LARP4B: variants seen among roughly 807,000 people sequenced by gnomAD.
The protein encoded by LARP4B is la-related protein 4B.
A neutral mutation model predicts 89.8 loss-of-function variants in LARP4B; 12 were observed. The ratio of observed to expected loss-of-function variants is 0.13; its 90% CI spans 0.09 to 0.22. The LOEUF (loss-of-function observed/expected upper bound fraction) is 0.22, where lower values mean the gene tolerates loss of function less well. LARP4B is among the 10% of genes least tolerant of loss of function. LARP4B has a pLI of 1.00. For synonymous variants in LARP4B, 367 were observed against 363.3 expected (o/e 1.01, Z -0.12); for missense variants, 757 against 947.7 (o/e 0.80, Z 2.64).
rs796134067 is a variant in LARP4B, at chr10:810,805, A to G, written c.*2121T>C. ...TCTGATTTTTTTTTTTTTTTTGGTC[A>G]GTGAACTGACAACTACAAAAAAAAA... On this transcript the variant is annotated 3_prime_UTR_variant, in exon 18 of 18. Coordinates refer to ENST00000316157, the MANE Select transcript of LARP4B (RefSeq NM_015155.3). The G allele has an allele frequency of 4.2e-4, 60 of 141,340 alleles. No individual in the cohort carries two copies. Among genetic ancestry groups the G allele is most frequent in the African/African-American group, 1.6e-3 (60 of 38,188 alleles). 8.8% of individuals were successfully genotyped at this position (141,340 alleles called of 1,614,324 possible).
chr10:956,322 G>C, the LARP4B span, among the ~76,000 whole-genome samples: 5 of 152,026 alleles, frequency 3.3e-5, no homozygotes, highest in African/African-American at 1.2e-4. This position sits in a 1 kb window ranked among gnomAD's most constrained non-coding sequence, Gnocchi z 4.3. Flanking sequence ...GGTTCAAGCA[G>C]TGTTGTCTCA....
chr10:841,623 A>C (rs150029468), intron 7 of LARP4B, among the ~76,000 whole-genome samples: 62 of 152,336 alleles, frequency 4.1e-4, no homozygotes, highest in African/African-American at 1.2e-3. Flanking sequence ...TGAAACTCCT[A>C]ATCATAACCA....
chr10:918,934 A>G (rs1411816669), intron 1 of LARP4B, among the ~76,000 whole-genome samples: 1 of 151,854 alleles, frequency 6.6e-6, no homozygotes, highest in African/African-American at 2.4e-5. Context: ...CAAAAAAATT[A>G]GCTGGGCGTG....
In LARP4B at chr10:812,861, G is replaced by A; in HGVS notation, c.*65C>T. ...CTAACCAGCGGCTCGCCCTCGCACT[G>A]AGTGGGAGAGTGTCTCGTTTGTGGT... On this transcript the variant is annotated 3_prime_UTR_variant, in exon 18 of 18. Coordinates refer to ENST00000316157, the MANE Select transcript of LARP4B (RefSeq NM_015155.3). 1 of 1,447,374 alleles carries A rather than the reference G, an allele frequency of 6.9e-7. No individual in the cohort carries two copies. Among genetic ancestry groups the A allele is most frequent in the Non-Finnish European group, 9.1e-7 (1 of 1,092,898 alleles). 89.7% of individuals were successfully genotyped at this position (1,447,374 alleles called of 1,614,324 possible).
chr10:913,233 AG>A (rs1027390628), intron 1 of LARP4B, among the ~76,000 whole-genome samples: 1 of 152,088 alleles, frequency 6.6e-6, no homozygotes, highest in African/African-American at 2.4e-5. Context: ...AGTCTAAAGG[AG>A]GGGGGGAATT....
At chr10:903,746 C>T (rs1836407026) in intron 1 of LARP4B, among the ~76,000 whole-genome samples, 1 of 152,178 alleles carries the variant, frequency 6.6e-6, no homozygotes, top group Admixed American at 6.5e-5. Flanking sequence ...TTCTATTGAG[C>T]TTTCCAATTC....
chr10:899,720 A>G lies in LARP4B; in HGVS notation c.-39-13960T>C, dbSNP rs369544805. Among the ~76,000 whole-genome samples, 295 of 152,330 alleles carry G rather than the reference A, an allele frequency of 1.9e-3. 1 individual carries two copies. Among genetic ancestry groups the G allele is most frequent in the African/African-American group, 6.7e-3 (277 of 41,562 alleles). The stretch of plus-strand genomic sequence containing the variant: ...CATGAACAGAGATGGACAGCACAAG[A>G]TGCTCCTAGACAGACATGTGTTCCA... On this transcript the variant is annotated intron_variant, in intron 1 of 17. Coordinates refer to ENST00000316157, the MANE Select transcript of LARP4B (RefSeq NM_015155.3).
rs545906557 is a variant in LARP4B, at chr10:814,104, TTTA to T, written c.1929+635_1929+637del. ...GCGTGAGCCACAGCACCTGGCCTCT[TTTA>T]TTATTATTATTATTTATTATTAAAA... On this transcript the variant is annotated intron_variant, in intron 17 of 17. Transcript: ENST00000316157. The surrounding 1 kb of genome is among the most constrained non-coding windows in gnomAD (Gnocchi z 4.4). 1.7e-3 allele frequency among the ~76,000 whole-genome samples: 252 copies of T among 151,448 alleles called. No individual in the cohort carries two copies. Among genetic ancestry groups the T allele is most frequent in the African/African-American group, 5.4e-3 (224 of 41,424 alleles).
At chr10:897,984 T>C (rs1346627027) in intron 1 of LARP4B, among the ~76,000 whole-genome samples, 5 of 68,096 alleles carry the variant, frequency 7.3e-5, no homozygotes, top group African/African-American at 2.9e-4. Context: ...CGAGGCTCCA[T>C]CTCAAAAAAA....
rs1456746198 is a variant in LARP4B at position 814,398 on chromosome 10, C to T, written c.1929+344G>A. On this transcript the variant is annotated intron_variant, in intron 17 of 17. Coordinates refer to ENST00000316157, the MANE Select transcript of LARP4B (RefSeq NM_015155.3). This position sits in a 1 kb window ranked among gnomAD's most constrained non-coding sequence, Gnocchi z 4.4. ...GTCTCTTCATCAGACACACGATGCG[C>T]GCGCACGCACGCAAACATACACACA... 6 of 371,832 alleles carry T rather than the reference C, an allele frequency of 1.6e-5. No homozygotes were observed. The East Asian group carries it at 2.2e-4, about 14-fold the overall frequency. 23.0% of individuals were successfully genotyped at this position (371,832 alleles called of 1,614,324 possible).
At chr10:817,982 A>T (rs541232288) in intron 14 of LARP4B, 93 bp from the exon 15 acceptor site, 1 of 1,279,286 alleles carries the variant, frequency 7.8e-7, no homozygotes, top group East Asian at 2.4e-5. Context: ...ATCTGTAGAA[A>T]CAAGCAGATC....
At chr10:958,498 G>A in the LARP4B span, among the ~76,000 whole-genome samples, 1 of 152,202 alleles carries the variant, frequency 6.6e-6, no homozygotes, top group Non-Finnish European at 1.5e-5. Flanking sequence ...GCCAAGAAAA[G>A]CACCTGTGTA....
intron 3 of LARP4B, among the ~76,000 whole-genome samples, chr10:868,378 TAA>T (rs35215345): frequency 2.3e-4 from 28 of 123,394 alleles, no homozygotes; most frequent in Admixed American, 3.3e-4. Flanking sequence ...AAGATTTGCT[TAA>T]AAAAAAAAAA....
chr10:823,276 G>A (rs537623637), intron 13 of LARP4B, among the ~76,000 whole-genome samples: 12 of 152,248 alleles, frequency 7.9e-5, no homozygotes, highest in African/African-American at 2.4e-4. Context: ...ACTCCCTGCC[G>A]CAGTGCTCAG....
chr10:894,726 T>C (rs1309958512), intron 1 of LARP4B, among the ~76,000 whole-genome samples: 3 of 152,222 alleles, frequency 2.0e-5, no homozygotes, highest in Admixed American at 6.5e-5. Context: ...TGAATAAAGA[T>C]ATATGTCTGG....
At chr10:924,246 AT>A (rs1268878241) in intron 1 of LARP4B, 1 of 152,168 alleles carries the variant, frequency 6.6e-6, no homozygotes, top group African/African-American at 2.4e-5. Flanking sequence ...AAAAAATAAA[AT>A]ATTTTTTAAA....
intron 3 of LARP4B, among the ~76,000 whole-genome samples, chr10:867,492 A>G (rs1414151989): frequency 6.6e-6 from 1 of 152,246 alleles, no homozygotes; most frequent in Non-Finnish European, 1.5e-5. Context: ...TTAAACAAAG[A>G]TCTGAATCTC....
upstream of LARP4B, among the ~76,000 whole-genome samples, chr10:935,722 C>CTTTTTTTTT (rs10711022): frequency 2.2e-3 from 180 of 83,574 alleles, no homozygotes; most frequent in Non-Finnish European, 2.7e-3. Flanking sequence ...CTTTTCTTTT[C>CTTTTTTTTT]TTTTTTTTTT....
rs368459525 is a variant in LARP4B, at chr10:814,531, T to C, written c.1929+211A>G. 8.5e-6 allele frequency: 9 copies of C among 1,058,766 alleles called. No homozygotes were observed. Among genetic ancestry groups the C allele is most frequent in the African/African-American group, 6.3e-5 (4 of 63,438 alleles). 65.6% of individuals were successfully genotyped at this position (1,058,766 alleles called of 1,614,324 possible). Reference sequence around the variant, plus strand: ...CCAACACTGAAATAAAAGGACTACATGGTGGTCTGAGAAAGAACTAGAGTA... The same window carrying C: ...CCAACACTGAAATAAAAGGACTACACGGTGGTCTGAGAAAGAACTAGAGTA... On this transcript the variant is annotated intron_variant, in intron 17 of 17. Coordinates refer to ENST00000316157, the MANE Select transcript of LARP4B (RefSeq NM_015155.3). This position sits in a 1 kb window ranked among gnomAD's most constrained non-coding sequence, Gnocchi z 4.4.
Sources: gnomAD v4.1 joint callset for allele counts (sites outside exome capture counted in the v4.1 genomes callset) on GRCh38, gnomAD v4.1.1 for gene constraint, Gnocchi (gnomAD v3.1) non-coding constraint, MANE v1.5 for transcripts, NCBI Gene and HGNC (gene_info 2026-07-23, HGNC 2026-07-21) for gene names.